Variants in GULP1 observed in about 807,000 individuals in gnomAD.
GULP1 encodes the protein GULP PTB domain containing engulfment adaptor 1, also known as PTB domain-containing engulfment adapter protein 1.
In GULP1, 19 loss-of-function variants were observed where a neutral mutation model predicts 40.9. That is an observed-to-expected ratio of 0.46 (90% CI 0.32 to 0.68). The LOEUF (loss-of-function observed/expected upper bound fraction) is 0.68. GULP1 is among the 30% of genes least tolerant of loss of function. The pLI is 0.03. For missense variants in GULP1, 312 were observed against 362.2 expected (o/e 0.86, Z 1.12); for synonymous variants, 119 against 117.6 (o/e 1.01, Z -0.08).
At chr2:188,557,173 C>G (rs746921893) in intron 7 of GULP1, among the ~76,000 whole-genome samples, 2 of 152,172 alleles carry the variant, frequency 1.3e-5, no homozygotes, top group Non-Finnish European at 2.9e-5. Context: ...CCCCAAATCT[C>G]ATATCCTTTT....
At chr2:188,588,132 G>A (rs1702788957) in intron 11 of GULP1, 183 bp downstream of exon 11, 1 of 605,710 alleles carries the variant, frequency 1.7e-6, no homozygotes, top group Admixed American at 2.9e-5. Flanking sequence ...ATATGCTAAG[G>A]ATAAGGTTGT....
intron 1 of GULP1, among the ~76,000 whole-genome samples, chr2:188,325,938 C>A (rs906506094): frequency 1.3e-5 from 2 of 152,146 alleles, no homozygotes; most frequent in Non-Finnish European, 2.9e-5. Flanking sequence ...TTCTTGTACG[C>A]ATTGTTGCAA....
chr2:188,562,628 A>G lies in GULP1; in HGVS notation c.400-6611A>G, dbSNP rs543540911. ...AGTTTTCTCAGCAATTGACAGAACA[A>G]GTAGAAAAAAAGTCAATAAAAGTAC... On this transcript the variant is annotated intron_variant, in intron 7 of 11. Transcript: ENST00000409830. 2.6e-5 allele frequency among the ~76,000 whole-genome samples: 4 copies of G among 152,188 alleles called. No homozygotes were observed. The South Asian group carries it at 8.3e-4, about 32-fold the overall frequency.
At chr2:188,456,565 A>G (rs753547721) in intron 2 of GULP1, among the ~76,000 whole-genome samples, 67 of 152,204 alleles carry the variant, frequency 4.4e-4, no homozygotes, top group Non-Finnish European at 8.4e-4. Flanking sequence ...TAGAAGATGT[A>G]TAGGAATGCC....
At chr2:188,321,921 A>G (rs903451812) in intron 1 of GULP1, among the ~76,000 whole-genome samples, 4 of 152,142 alleles carry the variant, frequency 2.6e-5, no homozygotes, top group African/African-American at 7.2e-5. Flanking sequence ...AGGCTGAGGC[A>G]TGAGAATCTC....
intron 4 of GULP1, among the ~76,000 whole-genome samples, chr2:188,499,567 T>C (rs2063234201): frequency 6.6e-6 from 1 of 151,752 alleles, no homozygotes; most frequent in Non-Finnish European, 1.5e-5. Flanking sequence ...AGGGAAGTAG[T>C]CAGAACTTAT....
chr2:188,296,931 T>C (rs1472224187), intron 1 of GULP1, among the ~76,000 whole-genome samples: 2 of 151,636 alleles, frequency 1.3e-5, no homozygotes, highest in Non-Finnish European at 3.0e-5. Context: ...TCTCTGTCGT[T>C]CTCTCTCTCT....
At chr2:188,308,124 TC>T (rs36134896) in intron 1 of GULP1, among the ~76,000 whole-genome samples, 71,155 of 125,776 alleles carry the variant, frequency 0.57, 17,454 homozygotes, top group East Asian at 0.76. Flanking sequence ...TTTTTTTTTT[TC>T]CCCCGGTGGC....
At chr2:188,327,459 G>A (rs1488654509) in intron 1 of GULP1, among the ~76,000 whole-genome samples, 1 of 152,092 alleles carries the variant, frequency 6.6e-6, no homozygotes, top group East Asian at 1.9e-4. Flanking sequence ...AAGTTTCCTT[G>A]GGACTGGTCA....
At chr2:188,472,493 A>ACC (rs979362995) in intron 2 of GULP1, among the ~76,000 whole-genome samples, 13 of 151,670 alleles carry the variant, frequency 8.6e-5, no homozygotes, top group Admixed American at 6.6e-4. Flanking sequence ...GTCTCCTCTG[A>ACC]CCATGTATTT....
intron 4 of GULP1, among the ~76,000 whole-genome samples, chr2:188,522,511 C>T (rs1472817522): frequency 6.6e-6 from 1 of 150,660 alleles, no homozygotes; most frequent in Non-Finnish European, 1.5e-5. Flanking sequence ...TAAAAATCTA[C>T]AAGTAAAATA....
intron 1 of GULP1, 115 bp from the exon 2 acceptor site, chr2:188,383,648 A>G (rs896530355): frequency 6.6e-6 from 1 of 152,226 alleles, no homozygotes; most frequent in Admixed American, 6.5e-5. Flanking sequence ...AACTTTCTTG[A>G]ACATTTGCAA....
At chr2:188,315,229 C>T (rs2038879962) in intron 1 of GULP1, among the ~76,000 whole-genome samples, 1 of 152,148 alleles carries the variant, frequency 6.6e-6, no homozygotes, top group Non-Finnish European at 1.5e-5. Context: ...AAAGTTATGG[C>T]TGCAGTGCAT....
chr2:188,321,429 T>A (rs1241957225), intron 1 of GULP1, among the ~76,000 whole-genome samples: 1 of 152,160 alleles, frequency 6.6e-6, no homozygotes, highest in African/African-American at 2.4e-5. Flanking sequence ...CTGAGTCTAA[T>A]ACAATAGACC....
In GULP1 at chr2:188,541,213, A is replaced by G. The variant is rs760755483; in HGVS notation, c.294A>G (p.Ile98Met). ...AACACAATTGCCAGCTTCATAGAAT[A>G]TCTTTTTGTGCAGATGATAAAACTG... ...EVQHNCQLHR[I>M]SFCADDKTDK... Residue 98 changes from isoleucine (I) to methionine (M), a missense_variant, in exon 7 of 12, where the codon ATA becomes ATG. Coordinates refer to ENST00000409830, the MANE Select transcript of GULP1 (RefSeq NM_016315.4). 1.9e-6 allele frequency: 3 copies of G among 1,612,662 alleles called. No individual in the cohort carries two copies. Among genetic ancestry groups the G allele is most frequent in the South Asian group, 1.1e-5 (1 of 91,054 alleles).
chr2:188,591,537 G>A (rs987716144), intron 11 of GULP1: 12 of 151,446 alleles, frequency 7.9e-5, no homozygotes, highest in South Asian at 2.1e-4. Context: ...TCAAATCAAC[G>A]TAAAATGCAT....
rs1185248947 is a variant in GULP1, at chr2:188,323,673, TGTGTGTG to T, written c.-172+31508_-172+31514del. Among the ~76,000 whole-genome samples, 299 of 111,952 alleles carry T rather than the reference TGTGTGTG, an allele frequency of 2.7e-3. 9 individuals carry two copies. The highest frequency in any genetic ancestry group is 0.025 in the Admixed American group (299 of 11,896). 73.4% of individuals were successfully genotyped at this position (111,952 alleles called of 152,430 possible). A position where few individuals can be genotyped will look rare whatever the true frequency, so the allele number is the denominator to read the frequency against. ...ATATGTGTGTGTGTGTGTGTGTGTG[TGTGTGTG>T]TGTGTGTGTATGTGTGTACAAAGTT... On this transcript the variant is annotated intron_variant, in intron 1 of 11. Coordinates refer to ENST00000409830, the MANE Select transcript of GULP1 (RefSeq NM_016315.4).
At chr2:188,516,133 C>G (rs113342768) in intron 4 of GULP1, among the ~76,000 whole-genome samples, 1 of 152,136 alleles carries the variant, frequency 6.6e-6, no homozygotes, top group Non-Finnish European at 1.5e-5. Flanking sequence ...GACATATCTG[C>G]CCTGTTTCCT....
At chr2:188,442,188 T>C (rs996543522) in intron 2 of GULP1, among the ~76,000 whole-genome samples, 2 of 152,246 alleles carry the variant, frequency 1.3e-5, no homozygotes, top group Non-Finnish European at 2.9e-5. Context: ...TAAATTTTCT[T>C]CCATTTGATG....
Sources: gnomAD v4.1 joint callset for allele counts (sites outside exome capture counted in the v4.1 genomes callset) on GRCh38, gnomAD v4.1.1 for gene constraint, MANE v1.5 for transcripts, NCBI Gene and HGNC (gene_info 2026-07-23, HGNC 2026-07-21) for gene names.